ARMC3: variants seen among roughly 807,000 people sequenced by gnomAD.
ARMC3 encodes the protein armadillo repeat containing 3.
In ARMC3, 74 loss-of-function variants were observed where a neutral mutation model predicts 90.3. That is an observed-to-expected ratio of 0.82 (90% CI 0.68 to 0.99). ARMC3 has a LOEUF of 0.99. Among genes scored for constraint, ARMC3 ranks in the 50% least tolerant of loss-of-function variants. The pLI, the probability that ARMC3 is intolerant of heterozygous loss-of-function variation, is 0.00. For missense variants in ARMC3, 958 were observed against 1,042.8 expected (o/e 0.92, Z 1.12); for synonymous variants, 334 against 361.8 (o/e 0.92, Z 0.87).
chr10:22,998,841 A>G (rs1018449704), intron 11 of ARMC3, among the ~76,000 whole-genome samples: 1 of 152,270 alleles, frequency 6.6e-6, no homozygotes, highest in African/African-American at 2.4e-5. Flanking sequence ...AACACGTTGT[A>G]GAAAAATACA....
intron 2 of ARMC3, 121 bp downstream of exon 2, chr10:22,932,165 G>A: frequency 1.5e-6 from 1 of 650,970 alleles, no homozygotes; most frequent in South Asian, 2.8e-5. Flanking sequence ...TCCAAAGTCT[G>A]ACTAATGATA....
chr10:23,022,218 C>T (rs372689726), intron 16 of ARMC3, among the ~76,000 whole-genome samples: 24 of 152,264 alleles, frequency 1.6e-4, no homozygotes, highest in Admixed American at 1.2e-3. Context: ...TTTTTACATA[C>T]AATGTGAGGC....
rs367549236 is a variant in ARMC3, at chr10:23,017,199, CTCTT to C, written c.2045+8270_2045+8273del. ...ATTCAATGATACATGATTAACCTCTCTCTTTTACTTAGCTGCAGCAAATATAATA... is the reference window on the plus strand; with the variant it reads ...ATTCAATGATACATGATTAACCTCTCTTACTTAGCTGCAGCAAATATAATA... On this transcript the variant is annotated intron_variant, in intron 16 of 18. Coordinates refer to ENST00000298032, the MANE Select transcript of ARMC3 (RefSeq NM_173081.5). Among the ~76,000 whole-genome samples, 19 of 152,198 alleles carry C rather than the reference CTCTT, an allele frequency of 1.2e-4. No individual in the cohort carries two copies. The East Asian group carries it at 3.3e-3, about 26-fold the overall frequency.
intron 1 of ARMC3, among the ~76,000 whole-genome samples, chr10:22,930,291 T>C (rs964743644): frequency 4.6e-5 from 7 of 152,182 alleles, no homozygotes; most frequent in Non-Finnish European, 1.0e-4. Flanking sequence ...ATGCTTATAT[T>C]GGCTCTAAAA....
At chr10:22,928,789 A>G (rs1345315157) in intron 1 of ARMC3, among the ~76,000 whole-genome samples, 1 of 152,210 alleles carries the variant, frequency 6.6e-6, no homozygotes, top group Non-Finnish European at 1.5e-5. Flanking sequence ...ATGCTAATCC[A>G]CTGGAGATTA....
chr10:23,006,349 C>T (rs1837615459), intron 13 of ARMC3, among the ~76,000 whole-genome samples: 1 of 152,160 alleles, frequency 6.6e-6, no homozygotes. Context: ...TTAAAAGGCT[C>T]TCTTTTGCCT....
chr10:22,944,601 C>A (rs978943058), intron 2 of ARMC3, among the ~76,000 whole-genome samples: 2 of 152,114 alleles, frequency 1.3e-5, no homozygotes, highest in East Asian at 1.9e-4. Flanking sequence ...CTCCAGCTTC[C>A]TAACTTTTCA....
intron 6 of ARMC3, 90 bp from the exon 7 acceptor site, chr10:22,961,794 T>C: frequency 8.9e-7 from 1 of 1,125,078 alleles, no homozygotes; most frequent in Non-Finnish European, 1.3e-6. Context: ...AAATTATAAC[T>C]TATGTTCTTG....
chr10:22,978,750 C>T (rs1267975950), intron 8 of ARMC3, among the ~76,000 whole-genome samples: 1 of 152,170 alleles, frequency 6.6e-6, no homozygotes, highest in Non-Finnish European at 1.5e-5. Flanking sequence ...AGTTAGAAAA[C>T]TCCATTTATA....
intron 8 of ARMC3, among the ~76,000 whole-genome samples, chr10:22,972,943 C>A (rs1423528749): frequency 5.9e-5 from 9 of 152,162 alleles, no homozygotes; most frequent in Admixed American, 5.9e-4. Context: ...CTGCAGGGAG[C>A]CCCCAGATCA....
At chr10:23,014,195 A>G (rs1838162160) in intron 16 of ARMC3, 10 of 1,547,090 alleles carry the variant, frequency 6.5e-6, no homozygotes, top group South Asian at 1.2e-5. Flanking sequence ...TTCAGACACA[A>G]CTGGGCCTTG....
chr10:22,953,713 T>A (rs1330680505), intron 3 of ARMC3, among the ~76,000 whole-genome samples: 1 of 152,152 alleles, frequency 6.6e-6, no homozygotes, highest in African/African-American at 2.4e-5. Context: ...ATAGAAGGCA[T>A]CCAGAAAATT....
chr10:22,932,578 A>G lies in ARMC3; in HGVS notation c.48+534A>G, dbSNP rs186005370. 2.0e-3 allele frequency among the ~76,000 whole-genome samples: 300 copies of G among 152,360 alleles called. 1 individual carries two copies. The highest frequency in any genetic ancestry group is 6.8e-3 in the Middle Eastern group (2 of 294). On this transcript the variant is annotated intron_variant, in intron 2 of 18. Coordinates refer to ENST00000298032, the MANE Select transcript of ARMC3 (RefSeq NM_173081.5). ...AAAGCTCTTCTCTGTCTTTAAAAACAGGATTTTATCTTCTCTCTTTAAACT... is the reference window on the plus strand; with the variant it reads ...AAAGCTCTTCTCTGTCTTTAAAAACGGGATTTTATCTTCTCTCTTTAAACT...
chr10:23,033,188 CAT>C (rs61079962), intron 18 of ARMC3, among the ~76,000 whole-genome samples, 165 bp downstream of exon 18: 22,228 of 151,626 alleles, frequency 0.15, 1,758 homozygotes, highest in African/African-American at 0.17. Flanking sequence ...CAAGCATACA[CAT>C]ATATATATAT....
rs1839160030 is a variant in ARMC3, at chr10:23,037,356, C to T, written c.2496C>T (p.Asp832=). ...GGAATGAAGTCATGCTGCAGAATGA[C>T]TCTCGGAAGGGAGTGATTGGGGGCC... ...RAWNEVMLQN[D]SRKGVIGGLP... The change falls in exon 19 of 19, where the codon GAC becomes GAT. Residue 832 remains aspartate (D), a synonymous_variant. Coordinates refer to ENST00000298032, the MANE Select transcript of ARMC3 (RefSeq NM_173081.5). 6.2e-7 allele frequency: 1 copy of T among 1,613,998 alleles called. No homozygotes were observed. The highest frequency in any genetic ancestry group is 8.5e-7 in the Non-Finnish European group (1 of 1,179,922).
Position 23,033,006 on chromosome 10 carries a change from C to T in ARMC3, c.2392C>T (p.Arg798Ter), listed in dbSNP as rs756308547. Residue 798 changes from arginine to a stop codon, truncating the protein, a stop_gained, in exon 18 of 19, where the codon CGA becomes TGA. Coordinates refer to ENST00000298032, the MANE Select transcript of ARMC3 (RefSeq NM_173081.5). LOFTEE classifies it low-confidence loss of function (END_TRUNC). ...GHVKKGIFYH[R>*]ALLFKALADR... ...TGTCAAAAAAGGAATCTTCTACCAT[C>T]GAGCTTTGCTTTTCAAGGTGTGTAA... 1.4e-5 allele frequency: 23 copies of T among 1,612,304 alleles called. No individual in the cohort carries two copies. The highest frequency in any genetic ancestry group is 4.5e-5 in the East Asian group (2 of 44,748).
chr10:23,026,152 A>T (rs1473445216), intron 16 of ARMC3, among the ~76,000 whole-genome samples: 1 of 152,168 alleles, frequency 6.6e-6, no homozygotes, highest in Non-Finnish European at 1.5e-5. Context: ...CCAAACACTT[A>T]AAGAATTAAC....
chr10:22,968,357 G>T lies in ARMC3; in HGVS notation c.784G>T (p.Glu262Ter). The T allele has an allele frequency of 6.2e-7, 1 of 1,614,054 alleles. No individual in the cohort carries two copies. Among genetic ancestry groups the T allele is most frequent in the Non-Finnish European group, 8.5e-7 (1 of 1,179,966 alleles). The change falls in exon 8 of 19, where the codon GAA becomes TAA. Residue 262 changes from glutamate (E) to a stop codon, truncating the protein, a stop_gained. Transcript: ENST00000298032. LOFTEE classifies it high-confidence loss of function. ...ACTTGCAGTGATAGCCAATTGCCTT[G>T]AAGACATGGATACTATGGTGCAGAT... ...EALAVIANCL[E>*]DMDTMVQIQQ...
At chr10:23,035,448 C>T (rs1171325032) in intron 18 of ARMC3, among the ~76,000 whole-genome samples, 3 of 152,112 alleles carry the variant, frequency 2.0e-5, no homozygotes, top group African/African-American at 7.2e-5. Flanking sequence ...CAATTAATTA[C>T]CCAGAAATCT....
Sources: gnomAD v4.1 joint callset for allele counts (sites outside exome capture counted in the v4.1 genomes callset) on GRCh38, gnomAD v4.1.1 for gene constraint, MANE v1.5 for transcripts, NCBI Gene and HGNC (gene_info 2026-07-23, HGNC 2026-07-21) for gene names.